Variants in ERN2 observed in about 807,000 individuals in gnomAD.
The protein encoded by ERN2 is serine/threonine-protein kinase/endoribonuclease IRE2.
Under a neutral mutation model 107.9 loss-of-function variants are expected in ERN2, and 111 were observed. The ratio of observed to expected loss-of-function variants is 1.03; its 90% confidence interval spans 0.88 to 1.20. The LOEUF (loss-of-function observed/expected upper bound fraction) is 1.20. ERN2 is among the 50% of genes most tolerant of loss of function. ERN2 has a pLI of 0.00. For missense variants in ERN2, 1,225 were observed against 1,197.9 expected, an observed-to-expected ratio of 1.02 and a Z score of -0.33; for synonymous variants, 524 against 501.7, an observed-to-expected ratio of 1.04 and a Z score of -0.59.
Position 23,695,785 on chromosome 16 carries a change from C to G in ERN2, c.1610+109G>C. On this transcript the variant is annotated intron_variant, in intron 14 of 21. Transcript: ENST00000256797. ...AGAGCAGGACTGGCGAGTGAGGGAT[C>G]AACCTGTACCCACCTCGGGGAGTCT... is the stretch of plus-strand genomic sequence containing the variant. The G allele has an allele frequency of 4.7e-6, 3 of 637,270 alleles. No individual in the cohort carries two copies. In the Middle Eastern group the frequency reaches 8.4e-4, roughly 178 times the overall value. The allele number at this position is 637,270 out of a possible 1,614,324, so 39.5% of individuals were successfully genotyped here.
At position 23,691,972 on chromosome 16, in the gene ERN2, C is replaced by T; in HGVS notation, c.2367G>A (p.Gln789=). 1 of 1,612,870 alleles carries T rather than the reference C, an allele frequency of 6.2e-7. No homozygotes were observed. The highest frequency in any genetic ancestry group is 8.5e-7 in the Non-Finnish European group (1 of 1,179,616). ...AAGCTTTCCTTCTGACCTGGAAGAACTGGAGTTGCTTGGCTCTGCTCCAAA... is the reference window on the plus strand; with the variant it reads ...AAGCTTTCCTTCTGACCTGGAAGAATTGGAGTTGCTTGGCTCTGCTCCAAA... ...PFFWSRAKQL[Q]FFQDVSDWLE... is the part of the protein sequence containing the mutation. Residue 789 remains glutamine, a synonymous_variant, in exon 19 of 22, where the codon CAG becomes CAA. Transcript: ENST00000256797.
intron 13 of ERN2, among the ~76,000 whole-genome samples, chr16:23,698,292 G>A (rs1168982593): frequency 6.6e-6 from 1 of 152,212 alleles, no homozygotes; most frequent in East Asian, 1.9e-4. Context: ...GTAAGGATGG[G>A]AGTTGTCACT....
At chr16:23,694,649 A>G in intron 17 of ERN2, 79 bp downstream of exon 17, 1 of 1,234,902 alleles carries the variant, frequency 8.1e-7, no homozygotes, top group Non-Finnish European at 1.1e-6. Flanking sequence ...GAGTCTCCTC[A>G]GGAGGGGAAC....
Position 23,707,080 on chromosome 16 carries a change from C to T in ERN2, c.307-1G>A, listed in dbSNP as rs1172797534. ...GCTCAGGGATGGTGAATGGCAGTTT[C>T]TAGGAGACGGAAAATTTACAGGAAG... is the stretch of plus-strand genomic sequence containing the variant. On this transcript the variant is annotated splice_acceptor_variant, in intron 4 of 21. Coordinates refer to ENST00000256797, the MANE Select transcript of ERN2 (RefSeq NM_033266.4). LOFTEE classifies it high-confidence loss of function. The T allele has an allele frequency of 1.2e-6, 2 of 1,613,434 alleles. No homozygotes were observed. Among genetic ancestry groups the T allele is most frequent in the Non-Finnish European group, 1.7e-6 (2 of 1,179,338 alleles).
In ERN2 at chr16:23,690,905, C is replaced by T. The variant is rs751236768; in HGVS notation, c.2707G>A (p.Glu903Lys). ...GGGTAGTAGGGCAGGAAGAGGCTCT[C>T]AGAGGCGCAGCTCCTCATGGCTCGG... Reference protein sequence around the residue: ...THRAMRSCASESLFLPYYPPD... With the variant: ...THRAMRSCASKSLFLPYYPPD... Residue 903 changes from glutamate to lysine, a missense_variant, in exon 22 of 22, where the codon GAG becomes AAG. Transcript: ENST00000256797. The T allele has an allele frequency of 1.9e-6, 3 of 1,614,088 alleles. No individual in the cohort carries two copies. The highest frequency in any genetic ancestry group is 1.6e-4 in the Middle Eastern group (1 of 6,062).
At chr16:23,702,815 C>T (rs1199645795) in intron 8 of ERN2, 113 bp from the exon 9 acceptor site, 4 of 904,506 alleles carry the variant, frequency 4.4e-6, no homozygotes, top group East Asian at 2.4e-5. Flanking sequence ...TCAGCTTAGC[C>T]ATGAGACTTG....
chr16:23,705,944 C>T (rs1960288453), intron 7 of ERN2, among the ~76,000 whole-genome samples: 1 of 151,928 alleles, frequency 6.6e-6, no homozygotes, highest in African/African-American at 2.4e-5. Flanking sequence ...GTCGGGGTCA[C>T]CTGGGGAGTC....
chr16:23,691,050 G>A lies in ERN2; in HGVS notation c.2569-7C>T, dbSNP rs1210598950. 6.2e-7 allele frequency: 1 copy of A among 1,614,162 alleles called. No homozygotes were observed. Among genetic ancestry groups the A allele is most frequent in the South Asian group, 1.1e-5 (1 of 91,086 alleles). ...GCTCCCTGTAGTGGTGCTTCTGTGG[G>A]TAGGTAGAGCAGAGAACCCTGGCTC... On this transcript the variant is annotated splice_polypyrimidine_tract_variant and splice_region_variant and intron_variant, in intron 21 of 21. Coordinates refer to ENST00000256797, the MANE Select transcript of ERN2 (RefSeq NM_033266.4).
intron 19 of ERN2, 33 bp downstream of exon 19, chr16:23,691,929 CT>C (rs1959612782): frequency 6.2e-7 from 1 of 1,602,644 alleles, no homozygotes; most frequent in African/African-American, 1.3e-5. Flanking sequence ...AAACTTAGGA[CT>C]TTTGGGGGCC....
At chr16:23,694,012 T>C (rs1455188029) in intron 17 of ERN2, among the ~76,000 whole-genome samples, 1 of 152,214 alleles carries the variant, frequency 6.6e-6, no homozygotes, top group African/African-American at 2.4e-5. Flanking sequence ...TTTTTGTTTT[T>C]TGAGAGAAAG....
At chr16:23,693,612 A>ATG (rs1959688670) in intron 17 of ERN2, among the ~76,000 whole-genome samples, 1 of 151,626 alleles carries the variant, frequency 6.6e-6, no homozygotes, top group Non-Finnish European at 1.5e-5. Flanking sequence ...ATATATATAT[A>ATG]TATAGGCCAC....
At chr16:23,712,877 G>T (rs1003403242) in intron 1 of ERN2, 11 of 522,266 alleles carry the variant, frequency 2.1e-5, no homozygotes, top group African/African-American at 2.0e-4. Flanking sequence ...GCCTTTCCAC[G>T]CTGGCAGATC....
At chr16:23,705,722 G>C (rs889277392) in intron 7 of ERN2, among the ~76,000 whole-genome samples, 2 of 152,030 alleles carry the variant, frequency 1.3e-5, no homozygotes, top group Admixed American at 1.3e-4. Flanking sequence ...AGACCAGCCT[G>C]GGCAACATAG....
rs767591220 is a variant in ERN2, at chr16:23,692,071, G to T, written c.2268C>A (p.Asp756Glu). The change falls in exon 19 of 22, where the codon GAC (aspartate) becomes GAA (glutamate). Residue 756 changes from aspartate to glutamate, a missense_variant. Transcript: ENST00000256797. The part of the protein sequence containing the change: ...EEVHDKVVAR[D>E]LVGAMLSPLP... ...GTGGGCTCAACATGGCTCCAACCAGGTCCCGGGCAACCACCTTGTCTGGAG... is the reference window on the plus strand; with the variant it reads ...GTGGGCTCAACATGGCTCCAACCAGTTCCCGGGCAACCACCTTGTCTGGAG... 3.7e-6 allele frequency: 6 copies of T among 1,613,772 alleles called. No individual in the cohort carries two copies. The South Asian group carries it at 6.6e-5, about 18-fold the overall frequency.
At chr16:23,694,615 CAA>C in intron 17 of ERN2, 111 bp downstream of exon 17, 1 of 885,934 alleles carries the variant, frequency 1.1e-6, no homozygotes, top group Non-Finnish European at 1.7e-6. Context: ...AGGAGCAGCT[CAA>C]AGTCACACAG....
chr16:23,704,011 T>C (rs889970900), intron 8 of ERN2, among the ~76,000 whole-genome samples: 6 of 152,334 alleles, frequency 3.9e-5, no homozygotes, highest in Middle Eastern at 3.4e-3. Context: ...GGTTATTTGC[T>C]ATTGTACTCC....
chr16:23,691,529 T>C (rs1164285889), intron 19 of ERN2, 104 bp from the exon 20 acceptor site: 1 of 1,376,982 alleles, frequency 7.3e-7, no homozygotes, highest in Non-Finnish European at 9.8e-7. Flanking sequence ...ACAAGGATCA[T>C]TGCCTCTGGG....
chr16:23,700,726 G>T, intron 12 of ERN2, 22 bp from the exon 13 acceptor site: 2 of 1,604,594 alleles, frequency 1.2e-6, no homozygotes, highest in Non-Finnish European at 1.7e-6. Context: ...GAGCCTAAGA[G>T]AGCTTTGTCC....
intron 4 of ERN2, among the ~76,000 whole-genome samples, chr16:23,708,347 C>CTTTT (rs747761449): frequency 3.7e-5 from 2 of 54,714 alleles, no homozygotes; most frequent in Non-Finnish European, 6.7e-5. Flanking sequence ...TGGTGCTATT[C>CTTTT]TTTTTTTTTT....
Sources: allele counts gnomAD v4.1 joint callset (sites outside exome capture counted in the v4.1 genomes callset), GRCh38; gene constraint gnomAD v4.1.1; transcripts MANE v1.5; gene names NCBI Gene and HGNC (gene_info 2026-07-23, HGNC 2026-07-21).